OXSR1: variants seen among roughly 807,000 people sequenced by gnomAD.
OXSR1 encodes oxidative stress responsive kinase 1.
In OXSR1, 24 loss-of-function variants were observed where a neutral mutation model predicts 79.8. That is an observed-to-expected ratio of 0.30 (90% confidence interval 0.22 to 0.42). The LOEUF is 0.42. Among genes scored for constraint, OXSR1 ranks in the 10% least tolerant of loss-of-function variants. OXSR1 has a pLI of 1.00. For synonymous variants in OXSR1, 226 were observed against 209.2 expected, an observed-to-expected ratio of 1.08 and a Z score of -0.69; for missense variants, 430 against 618.4, an observed-to-expected ratio of 0.70 and a Z score of 3.23.
At chr3:38,179,402 A>C (rs543186822) in intron 1 of OXSR1, among the ~76,000 whole-genome samples, 1 of 152,216 alleles carries the variant, frequency 6.6e-6, no homozygotes, top group East Asian at 1.9e-4. Context: ...CCTGGACTCA[A>C]GCAGTCCTCC....
At chr3:38,188,008 A>G (rs183913950) in intron 2 of OXSR1, among the ~76,000 whole-genome samples, 118 of 152,228 alleles carry the variant, frequency 7.8e-4, no homozygotes, top group Middle Eastern at 3.4e-3. Context: ...GGAAAGGATA[A>G]CTCTACTGGT....
chr3:38,227,544 T>TCC (rs34203601), intron 8 of OXSR1, among the ~76,000 whole-genome samples: 1 of 91,096 alleles, frequency 1.1e-5, no homozygotes, highest in Non-Finnish European at 2.1e-5. Flanking sequence ...TGTATGCACA[T>TCC]CCACACACAC....
intron 10 of OXSR1, among the ~76,000 whole-genome samples, chr3:38,236,005 T>A (rs186890192): frequency 6.6e-6 from 1 of 152,314 alleles, no homozygotes; most frequent in Non-Finnish European, 1.5e-5. Flanking sequence ...GGTGAGAGTC[T>A]TCTTCAAGAA....
intron 1 of OXSR1, among the ~76,000 whole-genome samples, chr3:38,182,510 C>T (rs367975975): frequency 6.6e-6 from 1 of 152,154 alleles, no homozygotes; most frequent in African/African-American, 2.4e-5. Context: ...CTTTATCTGC[C>T]TTATCCATCC....
At chr3:38,234,285 A>G (rs574564342) in intron 10 of OXSR1, among the ~76,000 whole-genome samples, 21 of 152,352 alleles carry the variant, frequency 1.4e-4, no homozygotes, top group Middle Eastern at 3.4e-3. Flanking sequence ...TTGTGCTTCA[A>G]TAGACGCTGG....
At chr3:38,242,134 A>T (rs1416314269) in intron 11 of OXSR1, among the ~76,000 whole-genome samples, 1 of 152,162 alleles carries the variant, frequency 6.6e-6, no homozygotes, top group Non-Finnish European at 1.5e-5. Flanking sequence ...TTTACACCAG[A>T]TATTTGAGAC....
intron 11 of OXSR1, among the ~76,000 whole-genome samples, chr3:38,240,268 A>T (rs906793511): frequency 6.6e-6 from 1 of 152,204 alleles, no homozygotes; most frequent in African/African-American, 2.4e-5. Flanking sequence ...AACAGTTCAG[A>T]AACTCTTGTA....
chr3:38,234,784 C>T (rs973000034), intron 10 of OXSR1, among the ~76,000 whole-genome samples: 9 of 152,348 alleles, frequency 5.9e-5, no homozygotes, highest in South Asian at 2.1e-4. Context: ...AAAATGTGTA[C>T]GCTGCTCATA....
At chr3:38,178,618 ATATTTTTTTTT>A (rs1183630509) in intron 1 of OXSR1, among the ~76,000 whole-genome samples, 1 of 86,744 alleles carries the variant, frequency 1.2e-5, no homozygotes, top group African/African-American at 5.3e-5. Context: ...ATATATATAT[ATATTTTTTTTT>A]TTTTTTTTTT....
chr3:38,194,652 C>T (rs921004264), intron 3 of OXSR1, among the ~76,000 whole-genome samples: 16 of 151,930 alleles, frequency 1.1e-4, no homozygotes, highest in Admixed American at 5.2e-4. Context: ...ACTGTGGAAA[C>T]GGGGATGGAG....
At chr3:38,192,226 C>T (rs569749042) in intron 3 of OXSR1, among the ~76,000 whole-genome samples, 4 of 152,234 alleles carry the variant, frequency 2.6e-5, no homozygotes, top group African/African-American at 9.6e-5. Context: ...AGGGGGAGCC[C>T]TTTTAAAGTC....
intron 1 of OXSR1, among the ~76,000 whole-genome samples, chr3:38,168,529 C>T (rs184205317): frequency 9.9e-5 from 15 of 152,196 alleles, no homozygotes; most frequent in East Asian, 5.8e-4. Context: ...ATATAATTTA[C>T]GTACCATAAG....
chr3:38,200,366 CT>C (rs1030679908), intron 4 of OXSR1, among the ~76,000 whole-genome samples: 6 of 152,028 alleles, frequency 3.9e-5, no homozygotes, highest in Non-Finnish European at 5.9e-5. Context: ...GCTCAGGAAA[CT>C]TTTTTTTAAA....
intron 6 of OXSR1, among the ~76,000 whole-genome samples, chr3:38,222,911 CAA>C (rs1702617251): frequency 6.6e-6 from 1 of 152,094 alleles, no homozygotes; most frequent in South Asian, 2.1e-4. Flanking sequence ...TGTTTTATCA[CAA>C]ATGTTTTTTA....
intron 5 of OXSR1, among the ~76,000 whole-genome samples, chr3:38,218,512 G>A (rs1281609855): frequency 6.6e-6 from 1 of 152,054 alleles, no homozygotes; most frequent in African/African-American, 2.4e-5. Flanking sequence ...TTAAATTGGA[G>A]TGTTTATTTT....
intron 2 of OXSR1, among the ~76,000 whole-genome samples, chr3:38,183,739 T>A (rs769321673): frequency 2.4e-4 from 36 of 152,240 alleles, no homozygotes; most frequent in Admixed American, 5.2e-4. Context: ...GAAAGGGAAG[T>A]CCCAAGCAAT....
At chr3:38,196,954 A>G (rs1478255069) in intron 3 of OXSR1, among the ~76,000 whole-genome samples, 1 of 152,192 alleles carries the variant, frequency 6.6e-6, no homozygotes, top group Non-Finnish European at 1.5e-5. Flanking sequence ...AGTGTTTACG[A>G]TAATTTTAGG....
At position 38,255,315 on chromosome 3, in the gene OXSR1, T is replaced by G. The variant is rs1012654719; in HGVS notation, c.*2424T>G. On this transcript the variant is annotated 3_prime_UTR_variant, in exon 18 of 18. Coordinates refer to ENST00000311806, the MANE Select transcript of OXSR1 (RefSeq NM_005109.3). The stretch of plus-strand genomic sequence containing the variant: ...CAAATCCTAGAGCCAGCTGATAATA[T>G]TTAATAATCTGGAGGAGAGAATAAT... 2 of 152,662 alleles carry G rather than the reference T, an allele frequency of 1.3e-5. No individual in the cohort carries two copies. The highest frequency in any genetic ancestry group is 2.9e-5 in the Non-Finnish European group (2 of 68,042). 9.5% of individuals were successfully genotyped at this position (152,662 alleles called of 1,614,324 possible).
chr3:38,252,232 G>A (rs1703272745), intron 16 of OXSR1, 96 bp from the exon 17 acceptor site: 5 of 832,778 alleles, frequency 6.0e-6, no homozygotes, highest in Non-Finnish European at 1.1e-5. Flanking sequence ...ATTGTACGGA[G>A]CATATTCTTA....
Sources: gnomAD v4.1 joint callset for allele counts (sites outside exome capture counted in the v4.1 genomes callset) on GRCh38, gnomAD v4.1.1 for gene constraint, MANE v1.5 for transcripts, NCBI Gene and HGNC (gene_info 2026-07-23, HGNC 2026-07-21) for gene names.